Variants in MRPL48 observed in about 807,000 individuals in gnomAD.
MRPL48 encodes mitochondrial ribosomal protein L48, also known as large ribosomal subunit protein mL48.
MRPL48 carries 16 observed loss-of-function variants against 32.9 expected under a neutral mutation model. That is an observed-to-expected ratio of 0.49 (90% CI 0.33 to 0.74). The LOEUF is 0.74. Ranked by LOEUF, MRPL48 falls within the 30% of genes least tolerant of loss-of-function variation. The pLI is 0.02. For missense variants in MRPL48, 206 were observed against 245.3 expected, an observed-to-expected ratio of 0.84 and a Z score of 1.07; for synonymous variants, 94 against 89.2, an observed-to-expected ratio of 1.05 and a Z score of -0.31.
intron 3 of MRPL48, among the ~76,000 whole-genome samples, chr11:73,809,232 G>T (rs1373359113): frequency 9.3e-6 from 1 of 107,534 alleles, no homozygotes; most frequent in Non-Finnish European, 1.8e-5. Flanking sequence ...AAAGTGCTTG[G>T]CCAGGTGCCT....
At chr11:73,854,805 C>G (rs575084159) in intron 5 of MRPL48, among the ~76,000 whole-genome samples, 1 of 152,316 alleles carries the variant, frequency 6.6e-6, no homozygotes, top group Admixed American at 6.5e-5. Context: ...ATTTGTTGAG[C>G]ACCTACTATC....
At chr11:73,814,574 A>G (rs1193193401) in intron 3 of MRPL48, among the ~76,000 whole-genome samples, 4 of 151,450 alleles carry the variant, frequency 2.6e-5, no homozygotes, top group Non-Finnish European at 5.9e-5. Flanking sequence ...GCATGCCTGT[A>G]ATCCCAGCTA....
chr11:73,824,907 T>C (rs1185881163), intron 3 of MRPL48, among the ~76,000 whole-genome samples: 1 of 152,076 alleles, frequency 6.6e-6, no homozygotes, highest in Non-Finnish European at 1.5e-5. Flanking sequence ...GGGGACAAAC[T>C]GAGAATCCGT....
At chr11:73,820,266 C>T (rs1947753100) in intron 3 of MRPL48, among the ~76,000 whole-genome samples, 1 of 152,156 alleles carries the variant, frequency 6.6e-6, no homozygotes, top group Non-Finnish European at 1.5e-5. Flanking sequence ...GCTCTGTTGC[C>T]CAGGCTGAAG....
chr11:73,840,994 A>G (rs1268542428), intron 4 of MRPL48, among the ~76,000 whole-genome samples: 1 of 152,216 alleles, frequency 6.6e-6, no homozygotes, highest in African/African-American at 2.4e-5. Flanking sequence ...AGATTACAAA[A>G]GATAGTATCC....
intron 5 of MRPL48, among the ~76,000 whole-genome samples, chr11:73,853,310 G>A (rs1407754868): frequency 1.3e-5 from 2 of 152,036 alleles, no homozygotes; most frequent in Non-Finnish European, 2.9e-5. Context: ...ACCCTGATGA[G>A]ATTCTTATGC....
intron 4 of MRPL48, among the ~76,000 whole-genome samples, chr11:73,837,632 G>A (rs1451789411): frequency 6.6e-6 from 1 of 152,104 alleles, no homozygotes; most frequent in East Asian, 1.9e-4. Context: ...GGGGACCAGA[G>A]TGCAGTCCTA....
chr11:73,808,206 G>C, intron 2 of MRPL48, 107 bp from the exon 3 acceptor site: 1 of 1,126,010 alleles, frequency 8.9e-7, no homozygotes, highest in Non-Finnish European at 1.3e-6. Context: ...GAAGGAGTAA[G>C]GAAACAGCAT....
chr11:73,808,887 C>T (rs914518758), intron 3 of MRPL48, among the ~76,000 whole-genome samples: 1 of 151,416 alleles, frequency 6.6e-6, no homozygotes, highest in Non-Finnish European at 1.5e-5. Flanking sequence ...TACGCCATTG[C>T]ACTCCAGCCT....
chr11:73,825,636 A>T, intron 3 of MRPL48, 72 bp from the exon 4 acceptor site: 1 of 1,328,060 alleles, frequency 7.5e-7, no homozygotes, highest in South Asian at 1.3e-5. Context: ...ACAGAGCAAG[A>T]CCCTGTCTCT....
chr11:73,802,717 GA>G (rs1291052612), intron 1 of MRPL48, among the ~76,000 whole-genome samples: 2 of 140,800 alleles, frequency 1.4e-5, no homozygotes, highest in African/African-American at 2.7e-5. Flanking sequence ...TTTTTAACTT[GA>G]GACAGGGTCT....
chr11:73,843,681 G>A (rs946202306), intron 4 of MRPL48, among the ~76,000 whole-genome samples: 2 of 152,198 alleles, frequency 1.3e-5, no homozygotes, highest in African/African-American at 4.8e-5. Flanking sequence ...AGGAGTAGAA[G>A]AGAACTAATG....
At chr11:73,819,953 A>T (rs1431451751) in intron 3 of MRPL48, among the ~76,000 whole-genome samples, 1 of 152,200 alleles carries the variant, frequency 6.6e-6, no homozygotes, top group Non-Finnish European at 1.5e-5. Context: ...AGATTAATGA[A>T]AGAGAATAAC....
At chr11:73,798,660 A>G (rs576055103) in intron 1 of MRPL48, among the ~76,000 whole-genome samples, 4 of 152,112 alleles carry the variant, frequency 2.6e-5, no homozygotes, top group Non-Finnish European at 4.4e-5. Flanking sequence ...ATGGATCATT[A>G]TAGACAGAGA....
At chr11:73,795,943 C>G (rs969759432) in intron 1 of MRPL48, among the ~76,000 whole-genome samples, 2 of 152,260 alleles carry the variant, frequency 1.3e-5, no homozygotes, top group Admixed American at 6.5e-5. Flanking sequence ...ACTCCCCATA[C>G]TGTCATCTCC....
intron 6 of MRPL48, among the ~76,000 whole-genome samples, chr11:73,862,600 C>G (rs1450411575): frequency 3.3e-5 from 5 of 151,662 alleles, no homozygotes; most frequent in Non-Finnish European, 7.4e-5. Flanking sequence ...GACTCCGTCT[C>G]AAAAATAAAT....
At chr11:73,846,924 T>C (rs1283695663) in intron 5 of MRPL48, among the ~76,000 whole-genome samples, 1 of 151,894 alleles carries the variant, frequency 6.6e-6, no homozygotes, top group Admixed American at 6.6e-5. Context: ...TTAAAATTTT[T>C]TGTAGAGATG....
At chr11:73,853,167 A>G (rs1480078418) in intron 5 of MRPL48, among the ~76,000 whole-genome samples, 3 of 152,176 alleles carry the variant, frequency 2.0e-5, no homozygotes, top group Non-Finnish European at 4.4e-5. Flanking sequence ...ATTGAATAAG[A>G]TCTAATATTT....
At chr11:73,818,797 G>T (rs1450912028) in intron 3 of MRPL48, among the ~76,000 whole-genome samples, 1 of 152,196 alleles carries the variant, frequency 6.6e-6, no homozygotes, top group Non-Finnish European at 1.5e-5. Flanking sequence ...GGATTGATGG[G>T]TTTAGTTCTC....
Sources: gnomAD v4.1 joint callset for allele counts (sites outside exome capture counted in the v4.1 genomes callset) on GRCh38, gnomAD v4.1.1 for gene constraint, MANE v1.5 for transcripts, NCBI Gene and HGNC (gene_info 2026-07-23, HGNC 2026-07-21) for gene names.